TTLL7: variants seen among roughly 807,000 people sequenced by gnomAD.
TTLL7 encodes the protein tubulin tyrosine ligase like 7, also known as tubulin polyglutamylase TTLL7.
A neutral mutation model predicts 120.2 loss-of-function variants in TTLL7; 53 were observed. The ratio of observed to expected loss-of-function variants is 0.44; its 90% CI spans 0.35 to 0.55. The LOEUF (loss-of-function observed/expected upper bound fraction) is 0.55. Ranked by LOEUF, TTLL7 falls within the 20% of genes least tolerant of loss-of-function variation. The probability of loss-of-function intolerance (pLI) is 0.00; values close to 1 mark genes in which losing one functional copy is unlikely to be tolerated. For synonymous variants in TTLL7, 353 were observed against 351.7 expected (o/e 1.00, Z -0.04); for missense variants, 803 against 1,054.7 (o/e 0.76, Z 3.31).
intron 1 of TTLL7, among the ~76,000 whole-genome samples, chr1:83,972,914 GTTGT>G (rs1651123023): frequency 6.6e-6 from 1 of 151,950 alleles, no homozygotes; most frequent in South Asian, 2.1e-4. Flanking sequence ...CATTGTTTGA[GTTGT>G]TTGTTTTCTT....
At chr1:83,894,100 G>A (rs1656017787) in intron 18 of TTLL7, among the ~76,000 whole-genome samples, 1 of 151,942 alleles carries the variant, frequency 6.6e-6, no homozygotes, top group Non-Finnish European at 1.5e-5. Context: ...TGACTAATGT[G>A]ATATAAGAAT....
rs752382563 is a variant in TTLL7 at position 83,951,980 on chromosome 1, TA to T, written c.26-5del. 8 of 1,597,650 alleles carry T rather than the reference TA, an allele frequency of 5.0e-6. No homozygotes were observed. Among genetic ancestry groups the T allele is most frequent in the South Asian group, 2.3e-5 (2 of 87,054 alleles). ...AGGGGAGAGGGTCCCTGAATAACTT[TA>T]AAAAAATGTAAAATAATCAGATAAC... On this transcript the variant is annotated splice_region_variant and splice_polypyrimidine_tract_variant and intron_variant, in intron 2 of 20. Transcript: ENST00000260505.
chr1:83,913,921 C>G lies in TTLL7; in HGVS notation c.1588-2558G>C, dbSNP rs559228823. ...TTGCCATTCTGCCAGAAACATTGTG[C>G]CTCCAGGATATCTCATGTCTGGTTT... On this transcript the variant is annotated intron_variant, in intron 14 of 20. Transcript: ENST00000260505. Among the ~76,000 whole-genome samples the G allele has an allele frequency of 3.3e-5, 5 of 152,296 alleles. 1 individual carries two copies. In the South Asian group the frequency reaches 1.0e-3, roughly 32 times the overall value.
At chr1:83,900,159 T>C in intron 18 of TTLL7, 1 of 449,654 alleles carries the variant, frequency 2.2e-6, no homozygotes, top group Non-Finnish European at 4.5e-6. Flanking sequence ...AATAGCACTG[T>C]CTTATTATTG....
chr1:83,944,230 C>G (rs1225023861), intron 6 of TTLL7, among the ~76,000 whole-genome samples: 1 of 151,894 alleles, frequency 6.6e-6, no homozygotes, highest in Non-Finnish European at 1.5e-5. Context: ...AAAAAAAATC[C>G]AAAGAATATT....
Position 83,942,315 on chromosome 1 carries a change from CA to C in TTLL7, c.723+147del, listed in dbSNP as rs1193729111. On this transcript the variant is annotated intron_variant, in intron 7 of 20. Coordinates refer to ENST00000260505, the MANE Select transcript of TTLL7 (RefSeq NM_024686.6). ...CACAAAGCTGCCTGTAAGTTAAAAG[CA>C]ATCTTATTTATGTACACAATTCTTC... The C allele has an allele frequency of 6.5e-6, 4 of 614,870 alleles. No individual in the cohort carries two copies. The African/African-American group carries it at 7.4e-5, about 11-fold the overall frequency. 38.1% of individuals were successfully genotyped at this position (614,870 alleles called of 1,614,324 possible). A position where few individuals can be genotyped will look rare whatever the true frequency, so the allele number is the denominator to read the frequency against.
intron 19 of TTLL7, among the ~76,000 whole-genome samples, chr1:83,889,718 T>A (rs1170188036): frequency 6.6e-6 from 1 of 152,086 alleles, no homozygotes; most frequent in Non-Finnish European, 1.5e-5. Flanking sequence ...AAGTAAGTAC[T>A]TGATGATTGT....
chr1:83,950,411 C>A (rs1033139533), intron 3 of TTLL7, among the ~76,000 whole-genome samples: 1 of 152,130 alleles, frequency 6.6e-6, no homozygotes, highest in African/African-American at 2.4e-5. Flanking sequence ...ATACTTTCCA[C>A]CTCCCTAGTT....
At chr1:83,969,606 T>C (rs1342104200) in intron 1 of TTLL7, among the ~76,000 whole-genome samples, 1 of 151,950 alleles carries the variant, frequency 6.6e-6, no homozygotes, top group Non-Finnish European at 1.5e-5. Flanking sequence ...ATACAAAGTG[T>C]TTATGCTTTT....
chr1:83,949,754 A>G, intron 4 of TTLL7, 111 bp downstream of exon 4: 1 of 1,199,138 alleles, frequency 8.3e-7, no homozygotes, highest in Non-Finnish European at 1.2e-6. Flanking sequence ...TATTCAGGTG[A>G]GTAAGAGCTG....
At chr1:83,901,224 A>G (rs749819444) in intron 18 of TTLL7, among the ~76,000 whole-genome samples, 2 of 151,932 alleles carry the variant, frequency 1.3e-5, no homozygotes, top group Non-Finnish European at 2.9e-5. Flanking sequence ...ATTTTATGTA[A>G]TCAAATCTGC....
intron 6 of TTLL7, among the ~76,000 whole-genome samples, chr1:83,943,913 G>A (rs1648225884): frequency 6.6e-6 from 1 of 152,128 alleles, no homozygotes; most frequent in African/African-American, 2.4e-5. Flanking sequence ...TATGAGAACA[G>A]TGTCTCACTA....
chr1:83,923,443 T>C, intron 10 of TTLL7, among the ~76,000 whole-genome samples: 1 of 151,790 alleles, frequency 6.6e-6, no homozygotes, highest in East Asian at 1.9e-4. Flanking sequence ...GATGATATGA[T>C]GAGTATTCTA....
intron 1 of TTLL7, among the ~76,000 whole-genome samples, chr1:83,968,389 C>A (rs1650677737): frequency 6.6e-6 from 1 of 151,790 alleles, no homozygotes; most frequent in Admixed American, 6.6e-5. Flanking sequence ...CAATGGGAAA[C>A]AAAGGCAAAG....
At chr1:83,891,042 T>A (rs1655420704) in intron 18 of TTLL7, among the ~76,000 whole-genome samples, 2 of 151,976 alleles carry the variant, frequency 1.3e-5, no homozygotes, top group Admixed American at 1.3e-4. Context: ...AAAGCATAGG[T>A]GAGTATTTTT....
rs1186382820 is a variant in TTLL7, at chr1:83,892,946, GAAAGAA to G, written c.2209-2471_2209-2466del. Reference sequence around the variant, plus strand: ...AGAAAAAGAGAAAGAAAGAAAGAAAGAAAGAAAAGAATAAAAGAAAGAAAGAGAAAA... The same window carrying G: ...AGAAAAAGAGAAAGAAAGAAAGAAAGAAGAATAAAAGAAAGAAAGAGAAAA... On this transcript the variant is annotated intron_variant, in intron 18 of 20. Transcript: ENST00000260505. Among the ~76,000 whole-genome samples, 803 of 111,840 alleles carry G rather than the reference GAAAGAA, an allele frequency of 7.2e-3. 20 individuals carry two copies. The highest frequency in any genetic ancestry group is 0.034 in the East Asian group (96 of 2,834). The allele number at this position is 111,840 out of a possible 152,430, so 73.4% of individuals were successfully genotyped here.
Position 83,917,622 on chromosome 1 carries a change from G to A in TTLL7, c.1569C>T (p.Thr523=), listed in dbSNP as rs774211627. ...IDDEKLMGKT[T]KTRGPKPLCS... ...ACTGCACCTTTGGTCCTCGAGTCTTGGTAGTTTTTCCCATCAACTTTTCAT... is the reference window on the plus strand; with the variant it reads ...ACTGCACCTTTGGTCCTCGAGTCTTAGTAGTTTTTCCCATCAACTTTTCAT... Residue 523 remains threonine, a synonymous_variant, in exon 14 of 21, where the codon ACC becomes ACT. Transcript: ENST00000260505. The A allele has an allele frequency of 3.1e-5, 50 of 1,612,374 alleles. No homozygotes were observed. Among genetic ancestry groups the A allele is most frequent in the Non-Finnish European group, 4.0e-5 (47 of 1,178,744 alleles).
At chr1:83,945,073 C>T (rs1648355218) in intron 6 of TTLL7, among the ~76,000 whole-genome samples, 2 of 151,916 alleles carry the variant, frequency 1.3e-5, no homozygotes, top group African/African-American at 4.8e-5. Context: ...CAAAAGAGGA[C>T]AATATAGAGA....
chr1:83,866,749 A>C lies in TTLL7; in HGVS notation c.*3213T>G, dbSNP rs1652943109. 6.6e-6 allele frequency: 1 copy of C among 151,952 alleles called. No individual in the cohort carries two copies. The allele number at this position is 151,952 out of a possible 1,614,324, so 9.4% of individuals were successfully genotyped here. A position where few individuals can be genotyped will look rare whatever the true frequency, so the allele number is the denominator to read the frequency against. On this transcript the variant is annotated 3_prime_UTR_variant, in exon 21 of 21. Coordinates refer to ENST00000260505, the MANE Select transcript of TTLL7 (RefSeq NM_024686.6). ...AGGTAAATGCAATGCTACTAAAATA[A>C]AAATTTGTTGCTAGTAAAATTAATC...
Sources: allele counts gnomAD v4.1 joint callset (sites outside exome capture counted in the v4.1 genomes callset), GRCh38; gene constraint gnomAD v4.1.1; transcripts MANE v1.5; gene names NCBI Gene and HGNC (gene_info 2026-07-23, HGNC 2026-07-21).